The following GPC6 variants were observed in gnomAD, a reference collection of about 807,000 sequenced individuals.
The protein encoded by GPC6 is glypican-6.
In GPC6, 14 loss-of-function variants were observed where a neutral mutation model predicts 55.2. The observed-to-expected ratio is 0.25, with a 90% confidence interval of 0.17 to 0.40. The LOEUF (loss-of-function observed/expected upper bound fraction) is 0.40. Among genes scored for constraint, GPC6 ranks in the 10% least tolerant of loss-of-function variants. GPC6 has a pLI of 1.00. For synonymous variants in GPC6, 278 were observed against 259.6 expected (o/e 1.07, Z -0.68); for missense variants, 641 against 708.5 (o/e 0.90, Z 1.08).
intron 4 of GPC6, among the ~76,000 whole-genome samples, chr13:94,258,924 A>T (rs926523798): frequency 5.7e-4 from 87 of 152,198 alleles, no homozygotes; most frequent in African/African-American, 2.0e-3. Flanking sequence ...CAGAGATGTA[A>T]CAAGGGTGGG....
At chr13:93,455,628 T>G (rs1878421795) in intron 1 of GPC6, among the ~76,000 whole-genome samples, 2 of 151,780 alleles carry the variant, frequency 1.3e-5, no homozygotes, top group South Asian at 4.1e-4. Context: ...GGCAAGAAAA[T>G]GATAGTCATT....
intron 1 of GPC6, among the ~76,000 whole-genome samples, chr13:93,249,584 C>G (rs907883373): frequency 2.0e-5 from 3 of 152,096 alleles, no homozygotes; most frequent in Non-Finnish European, 4.4e-5. Context: ...ACTGAAGAGC[C>G]CTTGTCAAAT....
chr13:94,243,533 G>C (rs1330652794), intron 4 of GPC6, among the ~76,000 whole-genome samples: 1 of 152,078 alleles, frequency 6.6e-6, no homozygotes. Flanking sequence ...CTCACTGGCA[G>C]GACTGGGAAC....
At chr13:93,443,244 G>A (rs1877870950) in intron 1 of GPC6, among the ~76,000 whole-genome samples, 1 of 152,136 alleles carries the variant, frequency 6.6e-6, no homozygotes, top group Admixed American at 6.5e-5. Context: ...AAACTTTAAT[G>A]ATATAAGTCA....
At chr13:94,349,005 A>G (rs1164996140) in intron 6 of GPC6, among the ~76,000 whole-genome samples, 1 of 152,198 alleles carries the variant, frequency 6.6e-6, no homozygotes, top group Non-Finnish European at 1.5e-5. Context: ...GTTTGTTTTA[A>G]CAAATACATG....
chr13:94,086,123 T>C (rs76261273), intron 4 of GPC6, among the ~76,000 whole-genome samples: 45 of 152,338 alleles, frequency 3.0e-4, no homozygotes, highest in African/African-American at 1.1e-3. Flanking sequence ...CCGTGAATTT[T>C]TAAAATTGGT....
chr13:94,407,357 G>T lies in GPC6; in HGVS notation c.*4140G>T, dbSNP rs1316413504. 2.6e-5 allele frequency: 4 copies of T among 152,170 alleles called. No individual in the cohort carries two copies. The South Asian group carries it at 8.3e-4, about 32-fold the overall frequency. The allele number at this position is 152,170 out of a possible 1,614,324, so 9.4% of individuals were successfully genotyped here. A position where few individuals can be genotyped will look rare whatever the true frequency, so the allele number is the denominator to read the frequency against. ...AGATTTTTCATTTCTGATTTGGATA[G>T]AAAATTGCTATTAATCTTGTATTAA... On this transcript the variant is annotated 3_prime_UTR_variant, in exon 9 of 9. Transcript: ENST00000377047.
chr13:93,660,873 G>C (rs1011572337), intron 2 of GPC6, among the ~76,000 whole-genome samples: 1 of 152,186 alleles, frequency 6.6e-6, no homozygotes, highest in Non-Finnish European at 1.5e-5. Flanking sequence ...ATAGCAGCAG[G>C]CTGTTAGGCT....
At chr13:93,414,343 C>T (rs561912253) in intron 1 of GPC6, among the ~76,000 whole-genome samples, 1 of 152,196 alleles carries the variant, frequency 6.6e-6, no homozygotes, top group Non-Finnish European at 1.5e-5. Flanking sequence ...TTCTTTTTGC[C>T]CTTTTCTGTG....
In GPC6 at chr13:94,195,140, G is replaced by T. The variant is rs183959348; in HGVS notation, c.878-91209G>T. Among the ~76,000 whole-genome samples, 7 of 152,262 alleles carry T rather than the reference G, an allele frequency of 4.6e-5. 1 individual carries two copies. The highest frequency in any genetic ancestry group is 1.7e-4 in the African/African-American group (7 of 41,550). On this transcript the variant is annotated intron_variant, in intron 4 of 8. Transcript: ENST00000377047. The stretch of plus-strand genomic sequence containing the variant: ...TTTGAACAGAGAGTGGTAAGTACTG[G>T]TGTCCCCATGTCCAGTTACAAGCAC...
At chr13:93,568,381 A>C (rs1407681664) in intron 2 of GPC6, among the ~76,000 whole-genome samples, 1 of 152,196 alleles carries the variant, frequency 6.6e-6, no homozygotes, top group Admixed American at 6.5e-5. Flanking sequence ...TGAGCAGAGT[A>C]CATGCCCAAC....
chr13:93,820,744 G>A (rs1403798562), intron 2 of GPC6, among the ~76,000 whole-genome samples: 1 of 149,454 alleles, frequency 6.7e-6, no homozygotes, highest in East Asian at 2.0e-4. Flanking sequence ...ATTTTTTTAA[G>A]TCTCCTGGGA....
At chr13:94,059,287 T>C (rs1884241487) in intron 4 of GPC6, among the ~76,000 whole-genome samples, 1 of 151,988 alleles carries the variant, frequency 6.6e-6, no homozygotes, top group Non-Finnish European at 1.5e-5. Flanking sequence ...TGGACTACTA[T>C]GTATTGTTCC....
intron 3 of GPC6, among the ~76,000 whole-genome samples, chr13:93,913,514 T>A (rs935299259): frequency 1.3e-5 from 2 of 152,228 alleles, no homozygotes; most frequent in African/African-American, 4.8e-5. Context: ...TTTTCTATAA[T>A]GTTTTTGGAA....
intron 2 of GPC6, among the ~76,000 whole-genome samples, chr13:93,659,614 T>C (rs1880833824): frequency 6.6e-6 from 1 of 152,058 alleles, no homozygotes; most frequent in Admixed American, 6.5e-5. Context: ...ATCTAGCTTT[T>C]ATAATGCTAT....
chr13:93,445,524 A>G (rs921694638), intron 1 of GPC6, among the ~76,000 whole-genome samples: 1 of 152,222 alleles, frequency 6.6e-6, no homozygotes, highest in Non-Finnish European at 1.5e-5. Context: ...TCTCTATTTT[A>G]AGAGAAATGG....
chr13:93,538,500 C>T (rs1022243393), intron 1 of GPC6, among the ~76,000 whole-genome samples: 1 of 152,128 alleles, frequency 6.6e-6, no homozygotes, highest in East Asian at 1.9e-4. Context: ...AAATCACTGA[C>T]AATTGTGCTC....
At chr13:93,834,629 T>TTG (rs1350955390) in intron 3 of GPC6, among the ~76,000 whole-genome samples, 1 of 152,078 alleles carries the variant, frequency 6.6e-6, no homozygotes, top group Non-Finnish European at 1.5e-5. Context: ...CATGAATGTA[T>TTG]TGTGTAAAGC....
At chr13:93,545,542 G>A in intron 2 of GPC6, 121 bp downstream of exon 2, 1 of 835,032 alleles carries the variant, frequency 1.2e-6, no homozygotes, top group Non-Finnish European at 2.0e-6. Flanking sequence ...AATATTTATA[G>A]CATTGTCTAT....
Sources: allele counts gnomAD v4.1 joint callset (sites outside exome capture counted in the v4.1 genomes callset), GRCh38; gene constraint gnomAD v4.1.1; transcripts MANE v1.5; gene names NCBI Gene and HGNC (gene_info 2026-07-23, HGNC 2026-07-21).